RTN4: variants seen among roughly 807,000 people sequenced by gnomAD.
RTN4 encodes the protein reticulon 4.
Under a neutral mutation model 90.4 loss-of-function variants are expected in RTN4, and 32 were observed. That is an observed-to-expected ratio of 0.35 (90% CI 0.27 to 0.48). The LOEUF is 0.48. RTN4 is among the 20% of genes least tolerant of loss of function. The probability of loss-of-function intolerance (pLI) is 0.99; values close to 1 mark genes in which losing one functional copy is unlikely to be tolerated. For synonymous variants in RTN4, 629 were observed against 552.5 expected, an observed-to-expected ratio of 1.14 and a Z score of -1.94; for missense variants, 1,706 against 1,430.2, an observed-to-expected ratio of 1.19 and a Z score of -3.11.
At position 55,005,649 on chromosome 2, in the gene RTN4, T is replaced by C. The variant is rs557119721; in HGVS notation, c.3014-17951A>G. ...ATGTTCAGTTATAATCATTTTAGCATTGTTTTTACAGGTTGAGTATTACTG... is the reference window on the plus strand; with the variant it reads ...ATGTTCAGTTATAATCATTTTAGCACTGTTTTTACAGGTTGAGTATTACTG... On this transcript the variant is annotated intron_variant, in intron 3 of 8. Coordinates refer to ENST00000337526, the MANE Select transcript of RTN4 (RefSeq NM_020532.5). Among the ~76,000 whole-genome samples, 8 of 152,288 alleles carry C rather than the reference T, an allele frequency of 5.3e-5. No individual in the cohort carries two copies. The South Asian group carries it at 6.2e-4, about 12-fold the overall frequency.
chr2:55,126,814 G>C, the RTN4 span, among the ~76,000 whole-genome samples: 1 of 151,042 alleles, frequency 6.6e-6, no homozygotes. Flanking sequence ...AGAAAATATG[G>C]TACACACACA....
chr2:54,999,799 G>A (rs1679722930), intron 3 of RTN4, among the ~76,000 whole-genome samples: 1 of 152,122 alleles, frequency 6.6e-6, no homozygotes, highest in South Asian at 2.1e-4. Flanking sequence ...CTACGTAATA[G>A]TAAGCTTTTG....
the RTN4 span, among the ~76,000 whole-genome samples, chr2:55,120,473 C>T: frequency 6.6e-6 from 1 of 152,080 alleles, no homozygotes; most frequent in African/African-American, 2.4e-5. Flanking sequence ...GGCTGGCCCC[C>T]AAACCTCTCA....
intron 5 of RTN4, among the ~76,000 whole-genome samples, chr2:54,982,069 G>T (rs1490273442): frequency 6.6e-6 from 1 of 151,958 alleles, no homozygotes; most frequent in African/African-American, 2.4e-5. Flanking sequence ...ATTCTCCTGT[G>T]CCTCAGCTTC....
At chr2:55,135,436 G>C in the RTN4 span, among the ~76,000 whole-genome samples, 2 of 152,122 alleles carry the variant, frequency 1.3e-5, no homozygotes, top group South Asian at 4.1e-4. Context: ...CAAACTCCTG[G>C]TCTCAAGTGA....
At chr2:55,069,615 G>C (rs1668451316) in intron 2 of RTN4, among the ~76,000 whole-genome samples, 1 of 152,164 alleles carries the variant, frequency 6.6e-6, no homozygotes. Flanking sequence ...TTTCCTCTAA[G>C]GCACTAAGGG....
At chr2:54,989,943 A>C (rs770022812) in intron 3 of RTN4, among the ~76,000 whole-genome samples, 3 of 152,128 alleles carry the variant, frequency 2.0e-5, no homozygotes, top group Non-Finnish European at 4.4e-5. Context: ...GTGATGATAA[A>C]GACAGCCCTT....
intron 3 of RTN4, among the ~76,000 whole-genome samples, chr2:54,999,959 A>G (rs1324985167): frequency 2.0e-5 from 3 of 152,166 alleles, no homozygotes; most frequent in Non-Finnish European, 4.4e-5. Context: ...TCAGGTTAGT[A>G]TCAATATGAT....
intron 1 of RTN4, among the ~76,000 whole-genome samples, chr2:55,043,863 G>T (rs1321727596): frequency 2.0e-5 from 3 of 151,814 alleles, no homozygotes; most frequent in Admixed American, 2.0e-4. Flanking sequence ...TCCAGCCTGG[G>T]CTACAGAGCA....
In RTN4 at chr2:54,989,517, G is replaced by A. The variant is rs555729646; in HGVS notation, c.3014-1819C>T. ...TTGTCAAAGGGACATTACGAATAATGTCATATTGAATAAAGAGATAAGAGC... is the reference window on the plus strand; with the variant it reads ...TTGTCAAAGGGACATTACGAATAATATCATATTGAATAAAGAGATAAGAGC... On this transcript the variant is annotated intron_variant, in intron 3 of 8. Coordinates refer to ENST00000337526, the MANE Select transcript of RTN4 (RefSeq NM_020532.5). Among the ~76,000 whole-genome samples the A allele has an allele frequency of 4.3e-4, 65 of 152,274 alleles. No individual in the cohort carries two copies. In the South Asian group the frequency reaches 0.013, roughly 30 times the overall value.
chr2:55,134,130 G>A, the RTN4 span, among the ~76,000 whole-genome samples: 1 of 152,076 alleles, frequency 6.6e-6, no homozygotes, highest in Non-Finnish European at 1.5e-5. Context: ...TGTCGCTAGT[G>A]GGCATTTCCT....
the RTN4 span, among the ~76,000 whole-genome samples, chr2:55,128,803 A>G: frequency 9.9e-5 from 15 of 152,062 alleles, no homozygotes; most frequent in Non-Finnish European, 1.8e-4. Context: ...AAAAAAGAAA[A>G]AAAAAAAGGG....
intron 1 of RTN4, among the ~76,000 whole-genome samples, chr2:55,045,504 T>C (rs1683361063): frequency 2.0e-5 from 3 of 152,226 alleles, no homozygotes; most frequent in Admixed American, 1.3e-4. Context: ...CTGCTTTTCC[T>C]TCCCACCTAT....
rs1320301642 is a variant in RTN4, at chr2:55,026,712, T to C, written c.1387A>G (p.Thr463Ala). ...GCTGCTGGGTTAAAGGGAGCACATG[T>C]GATATATGCTCCTGAACGATCCTTT... ...GIKDRSGAYI[T>A]CAPFNPAATE... The change falls in exon 3 of 9, where the codon ACA (threonine) becomes GCA (alanine). Residue 463 changes from threonine (T) to alanine (A), a missense_variant. Transcript: ENST00000337526. 1.2e-6 allele frequency: 2 copies of C among 1,613,852 alleles called. No homozygotes were observed.
At chr2:55,033,484 T>C (rs1573437595) in intron 1 of RTN4, among the ~76,000 whole-genome samples, 2 of 152,190 alleles carry the variant, frequency 1.3e-5, no homozygotes, top group Admixed American at 6.5e-5. Flanking sequence ...TCATCCAAAG[T>C]ACAAGTTCCC....
rs150666573 is a variant in RTN4 at position 55,021,391 on chromosome 2, G to GCC, written c.3013+3693_3013+3694dup. 9.9e-4 allele frequency among the ~76,000 whole-genome samples: 142 copies of GCC among 143,392 alleles called. 1 individual carries two copies. Among genetic ancestry groups the GCC allele is most frequent in the African/African-American group, 2.7e-3 (109 of 40,126 alleles). The allele number at this position is 143,392 out of a possible 152,430, so 94.1% of individuals were successfully genotyped here. A position where few individuals can be genotyped will look rare whatever the true frequency, so the allele number is the denominator to read the frequency against. On this transcript the variant is annotated intron_variant, in intron 3 of 8. Coordinates refer to ENST00000337526, the MANE Select transcript of RTN4 (RefSeq NM_020532.5). ...TTGTCTTAGTTTCATCTTTTTCCCTGCCCCCCCCGCCAAAAAAAAATCTCA... is the reference window on the plus strand; with the variant it reads ...TTGTCTTAGTTTCATCTTTTTCCCTGCCCCCCCCCCGCCAAAAAAAAATCTCA...
At chr2:55,092,541 A>G (rs1668958092) in intron 1 of RTN4, among the ~76,000 whole-genome samples, 1 of 152,162 alleles carries the variant, frequency 6.6e-6, no homozygotes, top group South Asian at 2.1e-4. Flanking sequence ...GCCCGAAGGA[A>G]GAGATTTTTT....
chr2:55,024,231 C>T (rs1245681128), intron 3 of RTN4, among the ~76,000 whole-genome samples: 2 of 152,090 alleles, frequency 1.3e-5, no homozygotes, highest in Non-Finnish European at 2.9e-5. Context: ...CCTTTATGTC[C>T]CTATCCGTCA....
chr2:55,119,220 T>C, the RTN4 span, among the ~76,000 whole-genome samples: 1 of 152,200 alleles, frequency 6.6e-6, no homozygotes, highest in African/African-American at 2.4e-5. Context: ...TCCTTATTCG[T>C]CAAAATACAT....
Sources: allele counts gnomAD v4.1 joint callset (sites outside exome capture counted in the v4.1 genomes callset), GRCh38; gene constraint gnomAD v4.1.1; transcripts MANE v1.5; gene names NCBI Gene and HGNC (gene_info 2026-07-23, HGNC 2026-07-21).